YWHAZ: variants seen among roughly 807,000 people sequenced by gnomAD.
The protein encoded by YWHAZ is tyrosine 3-monooxygenase/tryptophan 5-monooxygenase activation protein zeta.
For missense variants in YWHAZ, 79 were observed against 284.8 expected, an observed-to-expected ratio of 0.28 and a Z score of 5.20; for synonymous variants, 87 against 103.6, an observed-to-expected ratio of 0.84 and a Z score of 0.97.
intron 1 of YWHAZ, chr8:100,951,656 T>C (rs755778519): frequency 1.6e-4 from 156 of 984,630 alleles, no homozygotes; most frequent in Non-Finnish European, 1.8e-4. Context: ...GTGGGCGCCC[T>C]ACCCACCCCC....
At chr8:100,937,057 T>C (rs1814200009) in intron 2 of YWHAZ, among the ~76,000 whole-genome samples, 1 of 152,172 alleles carries the variant, frequency 6.6e-6, no homozygotes, top group South Asian at 2.1e-4. Context: ...AGATTATAGG[T>C]TACATAATAG....
rs1469713080 is a variant in YWHAZ, at chr8:100,917,386, TC to T, written c.*3306del. 1 of 151,978 alleles carries T rather than the reference TC, an allele frequency of 6.6e-6. No individual in the cohort carries two copies. Among genetic ancestry groups the T allele is most frequent in the African/African-American group, 2.4e-5 (1 of 41,392 alleles). The allele number at this position is 151,978 out of a possible 1,614,324, so 9.4% of individuals were successfully genotyped here. ...TCGTTTTTACTAATCACACTGCTGCTCCACTTTCTGAAGGACAACTCTTAAG... is the reference window on the plus strand; with the variant it reads ...TCGTTTTTACTAATCACACTGCTGCTCACTTTCTGAAGGACAACTCTTAAG... On this transcript the variant is annotated 3_prime_UTR_variant, in exon 6 of 6. Coordinates refer to ENST00000395958, the MANE Select transcript of YWHAZ (RefSeq NM_145690.3).
chr8:100,939,071 G>A (rs974876911), intron 2 of YWHAZ, among the ~76,000 whole-genome samples: 1 of 152,178 alleles, frequency 6.6e-6, no homozygotes, highest in East Asian at 1.9e-4. Flanking sequence ...GGCAAAGCAA[G>A]ATGTTCCTGA....
intron 1 of YWHAZ, chr8:100,951,515 G>C: frequency 1.0e-6 from 1 of 985,722 alleles, no homozygotes; most frequent in Non-Finnish European, 1.2e-6. Flanking sequence ...GCGGAAGCGA[G>C]AAGGGCGGCG....
At chr8:100,941,790 AAAAAC>A (rs1809880906) in intron 2 of YWHAZ, among the ~76,000 whole-genome samples, 1 of 119,390 alleles carries the variant, frequency 8.4e-6, no homozygotes, top group African/African-American at 3.4e-5. Flanking sequence ...TATCTCAGAA[AAAAAC>A]AAAACAAAAA....
At chr8:100,921,689 C>A (rs1368670248) in intron 5 of YWHAZ, among the ~76,000 whole-genome samples, 1 of 152,150 alleles carries the variant, frequency 6.6e-6, no homozygotes, top group Non-Finnish European at 1.5e-5. Context: ...TTTTGCACTA[C>A]CCTATCATAT....
rs184164420 is a variant in YWHAZ, at chr8:100,929,302, C to T, written c.295-4263G>A. 1.3e-3 allele frequency among the ~76,000 whole-genome samples: 199 copies of T among 151,496 alleles called. 1 individual carries two copies. Among genetic ancestry groups the T allele is most frequent in the African/African-American group, 4.3e-3 (179 of 41,164 alleles). On this transcript the variant is annotated intron_variant, in intron 2 of 5. Coordinates refer to ENST00000395958, the MANE Select transcript of YWHAZ (RefSeq NM_145690.3). ...GCAACCTCCTCCTCCTGAGTTCAAG[C>T]GTTTCTCCTGCCTTGGCCTCCTGAG...
chr8:100,935,279 GAAT>G (rs1295108886), intron 2 of YWHAZ, among the ~76,000 whole-genome samples: 2 of 152,164 alleles, frequency 1.3e-5, no homozygotes, highest in Non-Finnish European at 2.9e-5. Flanking sequence ...CTCCCTGACT[GAAT>G]AATATACGCA....
At chr8:100,930,213 C>T (rs943980007) in intron 2 of YWHAZ, among the ~76,000 whole-genome samples, 1 of 152,200 alleles carries the variant, frequency 6.6e-6, no homozygotes, top group Non-Finnish European at 1.5e-5. Flanking sequence ...ATTCTTCTGC[C>T]TCAGTCTCCC....
At chr8:100,931,894 A>G (rs975677398) in intron 2 of YWHAZ, 3 of 152,256 alleles carry the variant, frequency 2.0e-5, no homozygotes. Flanking sequence ...TCATTCAAAA[A>G]CACAGGATTA....
At position 100,950,989 on chromosome 8, in the gene YWHAZ, T is replaced by C. The variant is rs980510803; in HGVS notation, c.-12+940A>G. ...TAGTCCATCAAGCACGGGAGCCGACTGCGGGCTCACCACCCTGTTCTCTAC... is the reference window on the plus strand; with the variant it reads ...TAGTCCATCAAGCACGGGAGCCGACCGCGGGCTCACCACCCTGTTCTCTAC... On this transcript the variant is annotated intron_variant, in intron 1 of 5. Transcript: ENST00000395958. The C allele has an allele frequency of 2.1e-4, 50 of 241,204 alleles. No individual in the cohort carries two copies. In the South Asian group the frequency reaches 4.3e-3, roughly 21 times the overall value. 14.9% of individuals were successfully genotyped at this position (241,204 alleles called of 1,614,324 possible).
At chr8:100,952,850 C>T (rs970510522), upstream of YWHAZ, 5 of 1,000,278 alleles carry the variant, frequency 5.0e-6, no homozygotes, top group African/African-American at 5.2e-5. Context: ...GCGGCTTTAC[C>T]TGCTGGCTCG....
At chr8:100,952,228 GGC>G, upstream of YWHAZ, 5 of 904,388 alleles carry the variant, frequency 5.5e-6, no homozygotes, top group Non-Finnish European at 5.3e-6. Flanking sequence ...GGCGAGCGGA[GGC>G]GCGCGCGTCC....
At chr8:100,951,767 A>ACC in intron 1 of YWHAZ, 162 bp downstream of exon 1, 1 of 985,112 alleles carries the variant, frequency 1.0e-6, no homozygotes, top group Non-Finnish European at 1.2e-6. Context: ...GCCCAGCGGA[A>ACC]GAGGAGCCGC....
At chr8:100,953,312 C>T, upstream of YWHAZ, 2 of 985,532 alleles carry the variant, frequency 2.0e-6, no homozygotes, top group South Asian at 4.7e-5. Flanking sequence ...GTCGTAGTCC[C>T]CAGGGTTCCA....
At chr8:100,928,016 A>T (rs1356523206) in intron 2 of YWHAZ, among the ~76,000 whole-genome samples, 1 of 152,256 alleles carries the variant, frequency 6.6e-6, no homozygotes, top group Non-Finnish European at 1.5e-5. Context: ...ATGGTGGCTC[A>T]CGCCTGTAAT....
In YWHAZ at chr8:100,921,779, G is replaced by T. The variant is rs114208314; in HGVS notation, c.679-1027C>A. ...ATGAAAGTTGTCCCATAGGTGGCAG[G>T]GTTATGAACTCTATTCCACCTGCTC... On this transcript the variant is annotated intron_variant, in intron 5 of 5. Transcript: ENST00000395958. 9.4e-3 allele frequency among the ~76,000 whole-genome samples: 1,426 copies of T among 152,234 alleles called. 21 individuals carry two copies. The highest frequency in any genetic ancestry group is 0.031 in the African/African-American group (1,303 of 41,518).
At position 100,916,874 on chromosome 8, in the gene YWHAZ, A is replaced by G. The variant is rs924555822; in HGVS notation, c.*3819T>C. 2.7e-5 allele frequency: 4 copies of G among 149,168 alleles called. No individual in the cohort carries two copies. Among genetic ancestry groups the G allele is most frequent in the Admixed American group, 2.1e-4 (3 of 14,616 alleles). The allele number at this position is 149,168 out of a possible 1,614,324, so 9.2% of individuals were successfully genotyped here. A position where few individuals can be genotyped will look rare whatever the true frequency, so the allele number is the denominator to read the frequency against. The stretch of plus-strand genomic sequence containing the variant: ...GACTGTGACTACTACCAGTCACATA[A>G]AAGTATTTAATTAGTTTCACACTTA... On this transcript the variant is annotated 3_prime_UTR_variant, in exon 6 of 6. Coordinates refer to ENST00000395958, the MANE Select transcript of YWHAZ (RefSeq NM_145690.3).
intron 2 of YWHAZ, among the ~76,000 whole-genome samples, chr8:100,936,217 A>C (rs1014054098): frequency 6.6e-6 from 1 of 152,236 alleles, no homozygotes; most frequent in East Asian, 1.9e-4. Flanking sequence ...CCCTTTGAAG[A>C]AGCAACCTAT....
Sources: gnomAD v4.1 joint callset for allele counts (sites outside exome capture counted in the v4.1 genomes callset) on GRCh38, gnomAD v4.1.1 for gene constraint, MANE v1.5 for transcripts, NCBI Gene and HGNC (gene_info 2026-07-23, HGNC 2026-07-21) for gene names.